MUS81: variants seen among roughly 807,000 people sequenced by gnomAD.
The protein encoded by MUS81 is structure-specific endonuclease subunit MUS81.
MUS81 carries 69 observed loss-of-function variants against 74.2 expected under a neutral mutation model. That is an observed-to-expected ratio of 0.93 (90% CI 0.77 to 1.14). MUS81 has a LOEUF of 1.14. Ranked by LOEUF, MUS81 falls within the 50% of genes most tolerant of loss-of-function variation. The probability of loss-of-function intolerance (pLI) is 0.00; values close to 1 mark genes in which losing one functional copy is unlikely to be tolerated. For missense variants in MUS81, 711 were observed against 726.5 expected, an observed-to-expected ratio of 0.98 and a Z score of 0.25; for synonymous variants, 303 against 300.6, an observed-to-expected ratio of 1.01 and a Z score of -0.08.
Position 65,865,912 on chromosome 11 carries a change from A to G in MUS81, c.1589+18A>G. On this transcript the variant is annotated intron_variant, in intron 15 of 15. Coordinates refer to ENST00000308110, the MANE Select transcript of MUS81 (RefSeq NM_025128.5). Reference sequence around the variant, plus strand: ...CTACAGAGGTGAGGGCAAGAGACGGAACCTGGAGGGAGTGGCAGGGACTGG... The same window carrying G: ...CTACAGAGGTGAGGGCAAGAGACGGGACCTGGAGGGAGTGGCAGGGACTGG... 1.2e-6 allele frequency: 2 copies of G among 1,614,150 alleles called. No individual in the cohort carries two copies. The highest frequency in any genetic ancestry group is 1.7e-6 in the Non-Finnish European group (2 of 1,180,002).
At position 65,866,361 on chromosome 11, in the gene MUS81, T is replaced by G. The variant is rs1306060508; in HGVS notation, c.*309T>G. ...TGGTCCTCATCAAATAAAATTTCCTTAGGAGTGCAGAGGGCTCATTGGGAA... is the reference window on the plus strand; with the variant it reads ...TGGTCCTCATCAAATAAAATTTCCTGAGGAGTGCAGAGGGCTCATTGGGAA... On this transcript the variant is annotated 3_prime_UTR_variant, in exon 16 of 16. Coordinates refer to ENST00000308110, the MANE Select transcript of MUS81 (RefSeq NM_025128.5). 7 of 612,340 alleles carry G rather than the reference T, an allele frequency of 1.1e-5. No homozygotes were observed. Among genetic ancestry groups the G allele is most frequent in the Non-Finnish European group, 2.0e-5 (7 of 347,766 alleles). 37.9% of individuals were successfully genotyped at this position (612,340 alleles called of 1,614,324 possible).
At chr11:65,866,489 C>T (rs756909720), downstream of MUS81, 84 of 702,572 alleles carry the variant, frequency 1.2e-4, 1 homozygote, top group South Asian at 8.7e-4. Flanking sequence ...CAGGGAACTA[C>T]TAGGGCTTAT....
Position 65,863,606 on chromosome 11 carries a change from G to T in MUS81, c.846G>T (p.Gly282=), listed in dbSNP as rs748899941. The T allele has an allele frequency of 6.2e-7, 1 of 1,613,942 alleles. No individual in the cohort carries two copies. Among genetic ancestry groups the T allele is most frequent in the Non-Finnish European group, 8.5e-7 (1 of 1,179,960 alleles). Residue 282 remains glycine (G), a synonymous_variant, in exon 9 of 16, where the codon GGG becomes GGT. Coordinates refer to ENST00000308110, the MANE Select transcript of MUS81 (RefSeq NM_025128.5). ...TCCCTCCTTGCCACTCCAGGGGCGG[G>T]CACAGGCCGGAGCTGCTCCGAGAGC... ...CVDIGETRGG[G]HRPELLRELQ...
intron 1 of MUS81, 27 bp from the exon 2 acceptor site, chr11:65,860,946 C>G: frequency 6.2e-7 from 1 of 1,610,352 alleles, no homozygotes; most frequent in Non-Finnish European, 8.5e-7. Context: ...CCTGCCCTGA[C>G]CAGGTACCCT....
chr11:65,861,155 T>C (rs987101586), intron 2 of MUS81, 53 bp downstream of exon 2: 96 of 1,608,756 alleles, frequency 6.0e-5, no homozygotes, highest in Admixed American at 2.0e-4. Context: ...AGGTGGAGCC[T>C]CCGTACTCTC....
downstream of MUS81, chr11:65,867,257 G>T: frequency 2.9e-6 from 2 of 681,116 alleles, no homozygotes; most frequent in Non-Finnish European, 5.0e-6. Context: ...CCCCACCCAG[G>T]CTCCTGCCCT....
At position 65,861,395 on chromosome 11, in the gene MUS81, C is replaced by G; in HGVS notation, c.311C>G (p.Pro104Arg). The G allele has an allele frequency of 6.2e-7, 1 of 1,603,978 alleles. No homozygotes were observed. Among genetic ancestry groups the G allele is most frequent in the Middle Eastern group, 1.7e-4 (1 of 5,996 alleles). ...DSPSGENSPA[P>R]QGRLAEVQDS... Reference sequence around the variant, plus strand: ...CCATCTGGAGAGAACAGTCCAGCCCCGCAGGGGCGACTTGCGGAAGTCCAG... The same window carrying G: ...CCATCTGGAGAGAACAGTCCAGCCCGGCAGGGGCGACTTGCGGAAGTCCAG... Residue 104 changes from proline (P) to arginine (R), a missense_variant, in exon 3 of 16, where the codon CCG becomes CGG. Pro to Arg is a moderately radical substitution (Grantham distance 103, BLOSUM62 -2). Coordinates refer to ENST00000308110, the MANE Select transcript of MUS81 (RefSeq NM_025128.5).
At position 65,864,521 on chromosome 11, in the gene MUS81, G is replaced by C; in HGVS notation, c.1084G>C (p.Glu362Gln). Residue 362 changes from glutamate to glutamine, a missense_variant, in exon 11 of 16, where the codon GAG (glutamate) becomes CAG (glutamine). By Grantham distance (29) the Glu-to-Gln change is conservative. Transcript: ENST00000308110. ...QKFRLKRCGL[E>Q]RRVYLVEEHG... is the part of the protein sequence containing the mutation. The stretch of plus-strand genomic sequence containing the variant: ...GTTCCGGCTGAAGCGCTGTGGTCTG[G>C]AGCGCCGGGTATACCTGGTGGAAGA... The C allele has an allele frequency of 6.2e-7, 1 of 1,614,160 alleles. No homozygotes were observed. Among genetic ancestry groups the C allele is most frequent in the Non-Finnish European group, 8.5e-7 (1 of 1,180,030 alleles).
At position 65,861,955 on chromosome 11, in the gene MUS81, C is replaced by T. The variant is rs1157791761; in HGVS notation, c.360C>T (p.Ala120=). The change falls in exon 4 of 16, where the codon GCC becomes GCT. Residue 120 remains alanine, a synonymous_variant. Coordinates refer to ENST00000308110, the MANE Select transcript of MUS81 (RefSeq NM_025128.5). ...EVQDSSMPVP[A]QPKAGGSGSY... ...TCCTCTGTACCTTTCAGGTTCCTGC[C>T]CAGCCCAAAGCGGGAGGCTCTGGCA... 6.2e-7 allele frequency: 1 copy of T among 1,609,358 alleles called. No individual in the cohort carries two copies.
In MUS81 at chr11:65,861,062, G is replaced by T. The variant is rs1859581429; in HGVS notation, c.225G>T (p.Arg75=). The change falls in exon 2 of 16, where the codon CGG becomes CGT. Residue 75 remains arginine, a synonymous_variant. Transcript: ENST00000308110. The part of the protein sequence containing the change: ...ILQHFGDGLC[R]MLDERLQRHR... ...AGCACTTCGGAGACGGGCTCTGCCG[G>T]ATGCTGGACGAGCGGCTGCAGCGGC... is the stretch of plus-strand genomic sequence containing the variant. 5.6e-6 allele frequency: 9 copies of T among 1,612,550 alleles called. No individual in the cohort carries two copies. The highest frequency in any genetic ancestry group is 7.6e-6 in the Non-Finnish European group (9 of 1,179,998).
rs1327921046 is a variant in MUS81, at chr11:65,861,376, G to C, written c.292G>C (p.Gly98Arg). ...TGACCATGCCCCGGACTCACCATCT[G>C]GAGAGAACAGTCCAGCCCCGCAGGG... ...GGDHAPDSPSGENSPAPQGRL... is the reference protein window; with the variant it reads ...GGDHAPDSPSRENSPAPQGRL... The change falls in exon 3 of 16, where the codon GGA (glycine) becomes CGA (arginine). Residue 98 changes from glycine (G) to arginine (R), a missense_variant. Coordinates refer to ENST00000308110, the MANE Select transcript of MUS81 (RefSeq NM_025128.5). 3.1e-6 allele frequency: 5 copies of C among 1,602,412 alleles called. No homozygotes were observed. The South Asian group carries it at 5.6e-5, about 18-fold the overall frequency.
rs1859829629 is a variant in MUS81, at chr11:65,866,182, C to T, written c.*130C>T. The T allele has an allele frequency of 4.5e-6, 4 of 887,708 alleles. No individual in the cohort carries two copies. The highest frequency in any genetic ancestry group is 6.8e-6 in the Non-Finnish European group (4 of 588,776). 55.0% of individuals were successfully genotyped at this position (887,708 alleles called of 1,614,324 possible). ...AGCCATATGTGTCATGTAGAAGATG[C>T]CTAGCCCTGGGGACCTTGTGAAATA... On this transcript the variant is annotated 3_prime_UTR_variant, in exon 16 of 16. Coordinates refer to ENST00000308110, the MANE Select transcript of MUS81 (RefSeq NM_025128.5).
chr11:65,863,463 A>G lies in MUS81; in HGVS notation c.800A>G (p.Tyr267Cys). ...CCACTGGAGCTGAGGCCTGGAGAGT[A>G]CAGGGTGCTGTTGTGTGTGGACATT... ...QQPLELRPGEYRVLLCVDIGE... is the reference protein window; with the variant it reads ...QQPLELRPGECRVLLCVDIGE... The change falls in exon 8 of 16, where the codon TAC (tyrosine) becomes TGC (cysteine). Residue 267 changes from tyrosine to cysteine, a missense_variant. Tyr to Cys is a radical substitution (Grantham distance 194, BLOSUM62 -2). Transcript: ENST00000308110. 1 of 1,614,118 alleles carries G rather than the reference A, an allele frequency of 6.2e-7. No individual in the cohort carries two copies. The highest frequency in any genetic ancestry group is 8.5e-7 in the Non-Finnish European group (1 of 1,179,996).
intron 10 of MUS81, 106 bp downstream of exon 10, chr11:65,864,007 T>G (rs1428264177): frequency 2.6e-6 from 3 of 1,151,244 alleles, no homozygotes; most frequent in Non-Finnish European, 3.8e-6. Context: ...GCAGAGCCCT[T>G]TGGAATCCAG....
chr11:65,866,192 G>A lies in MUS81; in HGVS notation c.*140G>A, dbSNP rs1240647278. 2 of 805,786 alleles carry A rather than the reference G, an allele frequency of 2.5e-6. No individual in the cohort carries two copies. The highest frequency in any genetic ancestry group is 3.5e-5 in the African/African-American group (2 of 57,636). The allele number at this position is 805,786 out of a possible 1,614,324, so 49.9% of individuals were successfully genotyped here. A position where few individuals can be genotyped will look rare whatever the true frequency, so the allele number is the denominator to read the frequency against. On this transcript the variant is annotated 3_prime_UTR_variant, in exon 16 of 16. Coordinates refer to ENST00000308110, the MANE Select transcript of MUS81 (RefSeq NM_025128.5). ...GTCATGTAGAAGATGCCTAGCCCTG[G>A]GGACCTTGTGAAATACGCAGGAACC... is the stretch of plus-strand genomic sequence containing the variant.
At chr11:65,861,909 G>A (rs1859620888) in intron 3 of MUS81, 38 bp from the exon 4 acceptor site, 1 of 1,521,486 alleles carries the variant, frequency 6.6e-7, no homozygotes, top group Non-Finnish European at 9.0e-7. Context: ...AAGATGACTG[G>A]CTGGCTTTCA....
At chr11:65,862,391 T>C in intron 5 of MUS81, 53 bp from the exon 6 acceptor site, 2 of 1,591,870 alleles carry the variant, frequency 1.3e-6, no homozygotes, top group South Asian at 1.1e-5. Flanking sequence ...ACAGGGAACA[T>C]GGACTTGTGG....
downstream of MUS81, chr11:65,867,045 G>T: frequency 6.2e-7 from 1 of 1,614,162 alleles, no homozygotes; most frequent in Non-Finnish European, 8.5e-7. Context: ...CACCGGCCGG[G>T]CGAGGACCAG....
rs1315891648 is a variant in MUS81, at chr11:65,860,653, C to A, written c.-101C>A. 1 of 1,497,584 alleles carries A rather than the reference C, an allele frequency of 6.7e-7. No homozygotes were observed. Among genetic ancestry groups the A allele is most frequent in the East Asian group, 2.5e-5 (1 of 40,578 alleles). The allele number at this position is 1,497,584 out of a possible 1,614,324, so 92.8% of individuals were successfully genotyped here. On this transcript the variant is annotated 5_prime_UTR_variant, in exon 1 of 16. Transcript: ENST00000308110. ...CGGTCCTGCCCTCGGTCTCCCTCTT[C>A]CCCCGCCCCGCCCTGGGCCAGGTGT...
Sources: allele counts gnomAD v4.1 joint callset, GRCh38; gene constraint gnomAD v4.1.1; transcripts MANE v1.5; gene names NCBI Gene and HGNC (gene_info 2026-07-23, HGNC 2026-07-21).